Variants in PCNX2 observed in about 807,000 individuals in gnomAD.
PCNX2 encodes pecanex-like protein 2.
Under a neutral mutation model 223.8 loss-of-function variants are expected in PCNX2, and 168 were observed. The observed-to-expected ratio is 0.75, with a 90% CI of 0.66 to 0.85. The LOEUF is 0.85. Among genes scored for constraint, PCNX2 ranks in the 40% least tolerant of loss-of-function variants. The pLI is 0.00. For missense variants in PCNX2, 2,507 were observed against 2,675.5 expected (o/e 0.94, Z 1.39); for synonymous variants, 1,006 against 1,052.6 (o/e 0.96, Z 0.86).
chr1:233,165,691 G>C (rs574517912), intron 17 of PCNX2, among the ~76,000 whole-genome samples: 37 of 152,120 alleles, frequency 2.4e-4, no homozygotes, highest in Non-Finnish European at 4.7e-4. Context: ...CATCAGTAAA[G>C]AAATGAGAGA....
At chr1:233,184,067 T>C (rs1041666000) in intron 15 of PCNX2, among the ~76,000 whole-genome samples, 1 of 152,244 alleles carries the variant, frequency 6.6e-6, no homozygotes, top group Non-Finnish European at 1.5e-5. Flanking sequence ...CTTCTATTTC[T>C]TGTCATTGAT....
intron 1 of PCNX2, among the ~76,000 whole-genome samples, chr1:233,279,871 C>T (rs866883982): frequency 9.2e-5 from 14 of 152,106 alleles, no homozygotes; most frequent in African/African-American, 3.4e-4. Context: ...TTTGGTTATG[C>T]CATCAATCTA....
chr1:233,289,921 T>C (rs974612951), intron 1 of PCNX2, among the ~76,000 whole-genome samples: 38 of 152,110 alleles, frequency 2.5e-4, no homozygotes, highest in African/African-American at 8.7e-4. Context: ...CAGGATTAAA[T>C]GGGCCAGGAA....
intron 21 of PCNX2, chr1:233,112,813 G>A (rs567634549): frequency 4.8e-4 from 594 of 1,249,112 alleles, no homozygotes; most frequent in Non-Finnish European, 5.9e-4. Flanking sequence ...TAGGCTTGAT[G>A]TCCCAAATGG....
chr1:233,240,293 C>T (rs1462027993), intron 8 of PCNX2, among the ~76,000 whole-genome samples: 1 of 152,186 alleles, frequency 6.6e-6, no homozygotes, highest in Non-Finnish European at 1.5e-5. Flanking sequence ...AGTCTATGTT[C>T]TTTGCTAGCG....
chr1:233,090,831 C>G (rs189202230), intron 22 of PCNX2, among the ~76,000 whole-genome samples: 1 of 152,186 alleles, frequency 6.6e-6, no homozygotes, highest in African/African-American at 2.4e-5. Flanking sequence ...GAGTTTCTCA[C>G]GTACTGGCAT....
At chr1:233,323,821 G>A in the PCNX2 span, among the ~76,000 whole-genome samples, 2 of 152,196 alleles carry the variant, frequency 1.3e-5, no homozygotes, top group Non-Finnish European at 2.9e-5. Flanking sequence ...AGGTGTTCAA[G>A]TGAAAGGAAA....
intron 19 of PCNX2, among the ~76,000 whole-genome samples, 188 bp downstream of exon 19, chr1:233,160,095 T>C (rs76328972): frequency 0.022 from 3,394 of 152,324 alleles, 126 homozygotes; most frequent in African/African-American, 0.076. Flanking sequence ...AAATACCATA[T>C]ACTCTAAGGT....
chr1:233,307,927 T>C, the PCNX2 span, among the ~76,000 whole-genome samples: 4 of 152,172 alleles, frequency 2.6e-5, no homozygotes, highest in Non-Finnish European at 4.4e-5. Flanking sequence ...CCACATAACA[T>C]GTGAGAACTC....
intron 5 of PCNX2, 147 bp from the exon 6 acceptor site, chr1:233,252,935 T>C: frequency 1.2e-6 from 1 of 849,966 alleles, no homozygotes; most frequent in Non-Finnish European, 1.7e-6. Flanking sequence ...TAATTTTTCA[T>C]TTTTTTAATT....
chr1:233,166,951 G>A (rs1259665214), intron 17 of PCNX2, among the ~76,000 whole-genome samples: 1 of 151,838 alleles, frequency 6.6e-6, no homozygotes, highest in Non-Finnish European at 1.5e-5. Context: ...AGACCAGCCT[G>A]GGCAACATAA....
chr1:233,129,845 G>A (rs1676353632), intron 21 of PCNX2, among the ~76,000 whole-genome samples: 1 of 152,200 alleles, frequency 6.6e-6, no homozygotes, highest in Admixed American at 6.5e-5. Flanking sequence ...GCAGGATGTG[G>A]GTGGGGCCAG....
At chr1:233,045,581 C>T (rs1016384282) in intron 25 of PCNX2, among the ~76,000 whole-genome samples, 1 of 152,186 alleles carries the variant, frequency 6.6e-6, no homozygotes, top group African/African-American at 2.4e-5. Flanking sequence ...GCAGTCACCA[C>T]CTCCCATTAT....
intron 25 of PCNX2, among the ~76,000 whole-genome samples, chr1:233,049,784 C>T (rs534799671): frequency 6.6e-6 from 1 of 151,862 alleles, no homozygotes; most frequent in Non-Finnish European, 1.5e-5. Context: ...AATCAATGTA[C>T]AAAACTTAGT....
intron 17 of PCNX2, 62 bp downstream of exon 17, chr1:233,177,740 G>T: frequency 7.1e-7 from 1 of 1,407,504 alleles, no homozygotes; most frequent in Non-Finnish European, 1.0e-6. Context: ...TCCATTGAGA[G>T]CCTGATCTCT....
intron 17 of PCNX2, among the ~76,000 whole-genome samples, chr1:233,168,319 T>C (rs1284975033): frequency 6.6e-6 from 1 of 152,132 alleles, no homozygotes; most frequent in Non-Finnish European, 1.5e-5. Context: ...TCTGAGCCAG[T>C]ATTTTTCCTG....
the PCNX2 span, among the ~76,000 whole-genome samples, chr1:233,311,669 T>C: frequency 4.6e-5 from 7 of 152,200 alleles, no homozygotes; most frequent in Non-Finnish European, 7.3e-5. Flanking sequence ...TTACTGCAGC[T>C]TAGCCTATCC....
At chr1:233,248,228 C>T (rs1010813065) in intron 8 of PCNX2, among the ~76,000 whole-genome samples, 4 of 151,828 alleles carry the variant, frequency 2.6e-5, no homozygotes, top group African/African-American at 7.3e-5. Context: ...TTTTGCTGCC[C>T]GGCTTTTATC....
chr1:233,079,537 A>G (rs1673260237), intron 23 of PCNX2, among the ~76,000 whole-genome samples: 1 of 151,998 alleles, frequency 6.6e-6, no homozygotes, highest in African/African-American at 2.4e-5. Context: ...CAAAAAAAAA[A>G]AAAAAAAAGT....
Sources: gnomAD v4.1 joint callset for allele counts (sites outside exome capture counted in the v4.1 genomes callset) on GRCh38, gnomAD v4.1.1 for gene constraint, MANE v1.5 for transcripts, NCBI Gene and HGNC (gene_info 2026-07-23, HGNC 2026-07-21) for gene names.